The following ADAMTS18 variants were observed in gnomAD, a reference collection of about 807,000 sequenced individuals.
The protein encoded by ADAMTS18 is A disintegrin and metalloproteinase with thrombospondin motifs 18.
Under a neutral mutation model 165.9 loss-of-function variants are expected in ADAMTS18, and 157 were observed. The ratio of observed to expected loss-of-function variants is 0.95; its 90% CI spans 0.83 to 1.08. The LOEUF (loss-of-function observed/expected upper bound fraction) is 1.08. Ranked by LOEUF, ADAMTS18 falls within the 50% of genes least tolerant of loss-of-function variation. The probability of loss-of-function intolerance (pLI) is 0.00; values close to 1 mark genes in which losing one functional copy is unlikely to be tolerated. For synonymous variants in ADAMTS18, 782 were observed against 578.2 expected (o/e 1.35, Z -5.06); for missense variants, 2,040 against 1,534.0 (o/e 1.33, Z -5.51).
chr16:77,361,833 G>T (rs112846048), intron 7 of ADAMTS18, among the ~76,000 whole-genome samples: 1 of 151,962 alleles, frequency 6.6e-6, no homozygotes, highest in African/African-American at 2.4e-5. Flanking sequence ...GTAGTGAACC[G>T]AGATTGTGCC....
In ADAMTS18 at chr16:77,317,105, C is replaced by CT. The variant is rs776937460; in HGVS notation, c.2532+2743dup. 1.9e-3 allele frequency among the ~76,000 whole-genome samples: 285 copies of CT among 152,148 alleles called. 3 individuals are homozygous for CT. Among genetic ancestry groups the CT allele is most frequent in the East Asian group, 1.5e-3 (8 of 5,174 alleles). ...TCACCAACTCTCTAATTCAAAAAGTCTGTTTTTTTATCTCATACTTTATTT... is the reference window on the plus strand; with the variant it reads ...TCACCAACTCTCTAATTCAAAAAGTCTTGTTTTTTTATCTCATACTTTATTT... On this transcript the variant is annotated intron_variant, in intron 16 of 22. Coordinates refer to ENST00000282849, the MANE Select transcript of ADAMTS18 (RefSeq NM_199355.4).
At chr16:77,409,198 C>T (rs1039968393) in intron 3 of ADAMTS18, among the ~76,000 whole-genome samples, 21 of 152,198 alleles carry the variant, frequency 1.4e-4, no homozygotes, top group African/African-American at 4.6e-4. Flanking sequence ...CCTTTCTAAA[C>T]ATATATGCTA....
intron 3 of ADAMTS18, among the ~76,000 whole-genome samples, chr16:77,424,386 C>T (rs555417780): frequency 5.3e-5 from 8 of 151,734 alleles, no homozygotes; most frequent in South Asian, 2.1e-4. Flanking sequence ...GAGAATTGCT[C>T]GAACCCGTGA....
At chr16:77,344,953 A>T (rs1354956492) in intron 10 of ADAMTS18, among the ~76,000 whole-genome samples, 1 of 152,140 alleles carries the variant, frequency 6.6e-6, no homozygotes. Context: ...TCTTTTTACC[A>T]GCATATTCAA....
chr16:77,330,540 CGTGTCA>C (rs1460270215), intron 12 of ADAMTS18, among the ~76,000 whole-genome samples: 3 of 152,142 alleles, frequency 2.0e-5, no homozygotes, highest in African/African-American at 7.2e-5. Flanking sequence ...TTTCAACTCA[CGTGTCA>C]GTTCTAACCC....
intron 16 of ADAMTS18, among the ~76,000 whole-genome samples, chr16:77,300,742 G>T (rs151304961): frequency 6.6e-6 from 1 of 152,202 alleles, no homozygotes; most frequent in East Asian, 1.9e-4. Flanking sequence ...AGGTTATACT[G>T]TTGGGTCTAA....
At chr16:77,390,719 T>C (rs139237069) in intron 3 of ADAMTS18, among the ~76,000 whole-genome samples, 1 of 151,008 alleles carries the variant, frequency 6.6e-6, no homozygotes. Flanking sequence ...AAAAGAAGAA[T>C]CACCCAGCCC....
chr16:77,284,634 G>A (rs544144082), intron 22 of ADAMTS18, among the ~76,000 whole-genome samples: 1 of 152,158 alleles, frequency 6.6e-6, no homozygotes, highest in South Asian at 2.1e-4. Context: ...AAAATTAAAT[G>A]ATTTGTTTTT....
At chr16:77,420,449 C>G (rs2057587366) in intron 3 of ADAMTS18, among the ~76,000 whole-genome samples, 1 of 152,110 alleles carries the variant, frequency 6.6e-6, no homozygotes, top group African/African-American at 2.4e-5. Flanking sequence ...ACATTCTGCT[C>G]TAATTGTTCT....
chr16:77,397,863 T>A (rs962181354), intron 3 of ADAMTS18, among the ~76,000 whole-genome samples: 5 of 152,212 alleles, frequency 3.3e-5, no homozygotes, highest in Non-Finnish European at 5.9e-5. Flanking sequence ...CCTACTGAGA[T>A]GTAGCCTCCT....
At chr16:77,300,213 C>A in intron 17 of ADAMTS18, 50 bp downstream of exon 17, 1 of 1,609,908 alleles carries the variant, frequency 6.2e-7, no homozygotes, top group Non-Finnish European at 8.5e-7. Context: ...AGTGAAAGAA[C>A]CTGTTTTAAG....
At chr16:77,322,595 G>T (rs912410776) in intron 13 of ADAMTS18, 129 bp from the exon 14 acceptor site, 1 of 1,151,186 alleles carries the variant, frequency 8.7e-7, no homozygotes, top group Non-Finnish European at 1.3e-6. Context: ...GTGTGTGTTT[G>T]CACATATAAG....
chr16:77,356,267 T>C (rs1272365263), intron 8 of ADAMTS18, among the ~76,000 whole-genome samples, 190 bp from the exon 9 acceptor site: 1 of 152,228 alleles, frequency 6.6e-6, no homozygotes, highest in African/African-American at 2.4e-5. Flanking sequence ...TTAAAAATGC[T>C]GAGGGCTTTG....
intron 12 of ADAMTS18, among the ~76,000 whole-genome samples, chr16:77,334,970 A>T (rs561742379): frequency 4.9e-5 from 7 of 142,772 alleles, no homozygotes; most frequent in Admixed American, 1.4e-4. Flanking sequence ...TATACTGTAT[A>T]TTATAGTATA....
Position 77,300,266 on chromosome 16 carries a change from C to T in ADAMTS18, c.2671G>A (p.Gly891Arg). ...VQSECSVSCG[G>R]GYINVKAICL... is the part of the protein sequence containing the mutation. ...ACAGAATGAGAAAATCATCTACCTC[C>T]ACCACAGGAGACGGAGCACTCTGAC... is the stretch of plus-strand genomic sequence containing the variant. Residue 891 changes from glycine (G) to arginine (R), a missense_variant, in exon 17 of 23, where the codon GGA becomes AGA. Gly to Arg is a moderately radical substitution (Grantham distance 125). Transcript: ENST00000282849. The T allele has an allele frequency of 6.2e-7, 1 of 1,614,022 alleles. No homozygotes were observed. Among genetic ancestry groups the T allele is most frequent in the Non-Finnish European group, 8.5e-7 (1 of 1,179,950 alleles).
intron 16 of ADAMTS18, among the ~76,000 whole-genome samples, chr16:77,307,328 G>T (rs772038014): frequency 6.6e-6 from 1 of 152,122 alleles, no homozygotes; most frequent in Non-Finnish European, 1.5e-5. Context: ...TGACTTATTT[G>T]CTTCAAAGCT....
At chr16:77,348,850 A>C (rs562203260) in intron 10 of ADAMTS18, among the ~76,000 whole-genome samples, 41 of 152,346 alleles carry the variant, frequency 2.7e-4, no homozygotes, top group African/African-American at 9.9e-4. Flanking sequence ...ATAAGGAGGT[A>C]ACACTTGAAT....
At chr16:77,344,377 G>A (rs1231338157) in intron 10 of ADAMTS18, among the ~76,000 whole-genome samples, 2 of 151,938 alleles carry the variant, frequency 1.3e-5, no homozygotes, top group East Asian at 1.9e-4. Flanking sequence ...GACATTAGCA[G>A]AAAGCATGAG....
intron 3 of ADAMTS18, among the ~76,000 whole-genome samples, chr16:77,419,201 G>C (rs949068923): frequency 1.3e-5 from 2 of 152,114 alleles, no homozygotes; most frequent in Admixed American, 6.5e-5. Flanking sequence ...CTGAAGTGTG[G>C]GTACAGTGTG....
Sources: allele counts gnomAD v4.1 joint callset (sites outside exome capture counted in the v4.1 genomes callset), GRCh38; gene constraint gnomAD v4.1.1; transcripts MANE v1.5; gene names NCBI Gene and HGNC (gene_info 2026-07-23, HGNC 2026-07-21).